The following ATRNL1 variants were observed in gnomAD, a reference collection of about 807,000 sequenced individuals.
ATRNL1 encodes the protein attractin-like protein 1.
A neutral mutation model predicts 182.7 loss-of-function variants in ATRNL1; 95 were observed. The ratio of observed to expected loss-of-function variants is 0.52; its 90% CI spans 0.44 to 0.62. ATRNL1 has a LOEUF of 0.62. ATRNL1 is among the 20% of genes least tolerant of loss of function. The pLI is 0.00. For synonymous variants in ATRNL1, 576 were observed against 568.3 expected (o/e 1.01, Z -0.19); for missense variants, 1,471 against 1,679.5 (o/e 0.88, Z 2.17).
At chr10:115,400,323 C>A (rs1019559914) in intron 20 of ATRNL1, among the ~76,000 whole-genome samples, 1 of 152,040 alleles carries the variant, frequency 6.6e-6, no homozygotes, top group Non-Finnish European at 1.5e-5. Context: ...GTAATGATTT[C>A]AGTTCTTTTG....
chr10:115,811,734 T>C (rs940409968), intron 27 of ATRNL1, among the ~76,000 whole-genome samples: 3 of 152,080 alleles, frequency 2.0e-5, no homozygotes, highest in Non-Finnish European at 4.4e-5. Context: ...TATAATGTTA[T>C]ACATTTTCCT....
chr10:115,425,475 CTAT>C (rs1343254631), intron 20 of ATRNL1, among the ~76,000 whole-genome samples: 19 of 151,950 alleles, frequency 1.3e-4, no homozygotes, highest in Admixed American at 6.6e-5. Context: ...TGCTATATCT[CTAT>C]TAGACATTGT....
chr10:115,196,989 G>A (rs1318060348), intron 8 of ATRNL1, among the ~76,000 whole-genome samples: 1 of 152,046 alleles, frequency 6.6e-6, no homozygotes, highest in Non-Finnish European at 1.5e-5. Flanking sequence ...TTTTAGCAGG[G>A]AAATATGCAG....
intron 19 of ATRNL1, among the ~76,000 whole-genome samples, chr10:115,340,895 A>G (rs1855722843): frequency 6.6e-6 from 1 of 151,210 alleles, no homozygotes; most frequent in Admixed American, 6.6e-5. Flanking sequence ...TTCTGATTGA[A>G]TTTTTTTGTG....
intron 21 of ATRNL1, among the ~76,000 whole-genome samples, chr10:115,447,059 T>G (rs1554966816): frequency 6.6e-6 from 1 of 151,928 alleles, no homozygotes; most frequent in Non-Finnish European, 1.5e-5. Context: ...TTTAGTATTT[T>G]TTTCTATTAA....
intron 5 of ATRNL1, among the ~76,000 whole-genome samples, chr10:115,148,196 A>AT (rs1218663565): frequency 4.6e-5 from 7 of 151,778 alleles, no homozygotes; most frequent in South Asian, 2.1e-4. Context: ...TAGGTATTTT[A>AT]TTTTTTTTGT....
intron 27 of ATRNL1, among the ~76,000 whole-genome samples, chr10:115,771,526 G>A (rs1405192651): frequency 6.6e-6 from 1 of 152,128 alleles, no homozygotes; most frequent in Non-Finnish European, 1.5e-5. Flanking sequence ...CACCGCGCCC[G>A]GCCAGAATTC....
rs567083280 is a variant in ATRNL1, at chr10:115,331,527, C to T, written c.3038-2755C>T. On this transcript the variant is annotated intron_variant, in intron 18 of 28. Coordinates refer to ENST00000355044, the MANE Select transcript of ATRNL1 (RefSeq NM_207303.4). ...TTCTTAAAGCAGCTATATTTTAATTCTTTGATTGCCTATGATTTATGTGCA... is the reference window on the plus strand; with the variant it reads ...TTCTTAAAGCAGCTATATTTTAATTTTTTGATTGCCTATGATTTATGTGCA... Among the ~76,000 whole-genome samples, 3 of 152,240 alleles carry T rather than the reference C, an allele frequency of 2.0e-5. No individual in the cohort carries two copies. In the East Asian group the frequency reaches 5.8e-4, roughly 29 times the overall value.
chr10:115,227,230 A>G (rs1037965039), intron 9 of ATRNL1, among the ~76,000 whole-genome samples: 2 of 152,130 alleles, frequency 1.3e-5, no homozygotes, highest in African/African-American at 4.8e-5. Context: ...CAGGCAAAAG[A>G]CAAATAACCC....
intron 8 of ATRNL1, among the ~76,000 whole-genome samples, chr10:115,190,483 C>T (rs1486157838): frequency 6.6e-6 from 1 of 151,932 alleles, no homozygotes; most frequent in Non-Finnish European, 1.5e-5. Flanking sequence ...AAAAGGCAGC[C>T]ATTCTATTAC....
intron 19 of ATRNL1, among the ~76,000 whole-genome samples, chr10:115,382,327 G>T (rs1361312844): frequency 1.3e-5 from 2 of 151,672 alleles, no homozygotes; most frequent in Non-Finnish European, 2.9e-5. Context: ...ATGAACATGG[G>T]CTGTCTTTCA....
At chr10:115,800,353 A>G (rs1555084049) in intron 27 of ATRNL1, among the ~76,000 whole-genome samples, 3 of 152,212 alleles carry the variant, frequency 2.0e-5, no homozygotes, top group African/African-American at 7.2e-5. Context: ...CTCTAATGCC[A>G]TACTTGTCAT....
intron 26 of ATRNL1, among the ~76,000 whole-genome samples, chr10:115,676,584 G>GTATATATATATATA (rs143315406): frequency 6.7e-6 from 1 of 150,126 alleles, no homozygotes; most frequent in African/African-American, 2.4e-5. Flanking sequence ...ATCTGTATAT[G>GTATATATATATATA]TATATATATA....
intron 26 of ATRNL1, among the ~76,000 whole-genome samples, chr10:115,569,516 C>A (rs1854268725): frequency 6.6e-6 from 1 of 152,100 alleles, no homozygotes; most frequent in African/African-American, 2.4e-5. Flanking sequence ...TTGCTACCTG[C>A]TAAGTGGGAA....
At chr10:115,925,467 A>T (rs782318819) in intron 28 of ATRNL1, among the ~76,000 whole-genome samples, 1 of 152,140 alleles carries the variant, frequency 6.6e-6, no homozygotes, top group Non-Finnish European at 1.5e-5. Context: ...AGACTGGTAA[A>T]TTGGATAAAG....
intron 8 of ATRNL1, among the ~76,000 whole-genome samples, chr10:115,199,127 G>C (rs1316074921): frequency 2.0e-5 from 3 of 152,080 alleles, no homozygotes; most frequent in Non-Finnish European, 4.4e-5. Flanking sequence ...AATTTTTCCA[G>C]TCTGTGAATG....
chr10:115,785,108 T>C (rs1442856784), intron 27 of ATRNL1, among the ~76,000 whole-genome samples: 1 of 152,222 alleles, frequency 6.6e-6, no homozygotes, highest in Admixed American at 6.5e-5. Flanking sequence ...GTGAGTATGA[T>C]CTATCCTGGG....
At chr10:115,684,848 G>A (rs1360324970) in intron 26 of ATRNL1, among the ~76,000 whole-genome samples, 3 of 151,598 alleles carry the variant, frequency 2.0e-5, no homozygotes, top group Non-Finnish European at 3.0e-5. Flanking sequence ...TAAATGGCTA[G>A]CATGTTATGA....
At position 115,558,531 on chromosome 10, in the gene ATRNL1, G is replaced by A. The variant is rs139741733; in HGVS notation, c.3795+8995G>A. 4.4e-3 allele frequency among the ~76,000 whole-genome samples: 667 copies of A among 152,318 alleles called. 5 individuals carry two copies. The highest frequency in any genetic ancestry group is 5.3e-3 in the Admixed American group (81 of 15,308). On this transcript the variant is annotated intron_variant, in intron 26 of 28. Transcript: ENST00000355044. ...CGGAAGGGGGAGGGCTGTAGGGAGA[G>A]TAGCTTTTGATCCTTTGTTACTCAG... is the stretch of plus-strand genomic sequence containing the variant.
Sources: allele counts gnomAD v4.1 joint callset (sites outside exome capture counted in the v4.1 genomes callset), GRCh38; gene constraint gnomAD v4.1.1; transcripts MANE v1.5; gene names NCBI Gene and HGNC (gene_info 2026-07-23, HGNC 2026-07-21).